GPRC5D: variants seen among roughly 807,000 people sequenced by gnomAD.
The protein encoded by GPRC5D is G protein-coupled receptor class C group 5 member D.
In GPRC5D, 20 loss-of-function variants were observed where a neutral mutation model predicts 29.3. The observed-to-expected ratio is 0.68, with a 90% CI of 0.48 to 0.99. The LOEUF (loss-of-function observed/expected upper bound fraction) is 0.99. GPRC5D is among the 50% of genes least tolerant of loss of function. The pLI is 0.00. For synonymous variants in GPRC5D, 178 were observed against 171.3 expected (o/e 1.04, Z -0.30); for missense variants, 384 against 423.6 (o/e 0.91, Z 0.82).
intron 2 of GPRC5D, among the ~76,000 whole-genome samples, chr12:12,941,225 G>A (rs1477644307): frequency 6.6e-6 from 1 of 152,080 alleles, no homozygotes; most frequent in Non-Finnish European, 1.5e-5. Flanking sequence ...AGTTATGTTT[G>A]AAGTATTATT....
chr12:12,948,644 T>G (rs548289586), intron 1 of GPRC5D: 1 of 153,668 alleles, frequency 6.5e-6, no homozygotes. Flanking sequence ...AGCCCAGATG[T>G]TTCAGAAAAG....
chr12:12,949,468 C>T, intron 1 of GPRC5D, 22 bp downstream of exon 2: 1 of 1,589,554 alleles, frequency 6.3e-7, no homozygotes, highest in Non-Finnish European at 8.6e-7. Flanking sequence ...CTCCCTGCTC[C>T]CTGAATCCCC....
chr12:12,947,925 C>G (rs1159120251), intron 1 of GPRC5D, among the ~76,000 whole-genome samples: 1 of 152,176 alleles, frequency 6.6e-6, no homozygotes, highest in African/African-American at 2.4e-5. Context: ...TTGATGATGG[C>G]TATCACTGGC....
chr12:12,949,470 T>C lies in GPRC5D; in HGVS notation c.895+20A>G, dbSNP rs763303748. On this transcript the variant is annotated intron_variant, in intron 1 of 2. Coordinates refer to ENST00000228887, the Ensembl canonical transcript of GPRC5D. ...CCTGTAGGAGCACCTCCCTGCTCCC[T>C]GAATCCCCCAGGAATGTACCTCTGG... 2 of 1,591,050 alleles carry C rather than the reference T, an allele frequency of 1.3e-6. No homozygotes were observed. Among genetic ancestry groups the C allele is most frequent in the East Asian group, 2.2e-5 (1 of 44,530 alleles).
chr12:12,949,547 AGGCATTGCCTTGTAAAG>A lies in GPRC5D; in HGVS notation c.821_837del (p.Pro274LeufsTer24), dbSNP rs576323196. 5.0e-3 allele frequency: 8,014 copies of A among 1,614,006 alleles called. 27 individuals are homozygous for A. Among genetic ancestry groups the A allele is most frequent in the Non-Finnish European group, 6.2e-3 (7,300 of 1,179,864 alleles). ...CTGTGTTGGTAGGCTGTGACGGGGCAGGCATTGCCTTGTAAAGGGCACTCCTGTCTACACGATCTGTA... is the reference window on the plus strand; with the variant it reads ...CTGTGTTGGTAGGCTGTGACGGGGCAGGCACTCCTGTCTACACGATCTGTA... On this transcript the variant is annotated frameshift_variant, in exon 1 of 3. Transcript: ENST00000228887. LOFTEE classifies it high-confidence loss of function.
chr12:12,944,962 T>C (rs1037656843), intron 1 of GPRC5D, among the ~76,000 whole-genome samples: 10 of 147,984 alleles, frequency 6.8e-5, no homozygotes, highest in Admixed American at 4.9e-4. Flanking sequence ...TCTTTCCTTT[T>C]CTTTCCTTTT....
At chr12:12,951,165 C>T (rs1863486060), upstream of GPRC5D, among the ~76,000 whole-genome samples, 2 of 152,022 alleles carry the variant, frequency 1.3e-5, no homozygotes, top group Admixed American at 6.6e-5. Flanking sequence ...CGTCAAGAAC[C>T]GCAACTGCTT....
intron 1 of GPRC5D, among the ~76,000 whole-genome samples, chr12:12,947,524 TCTTCCTTC>T (rs978875015): frequency 6.6e-6 from 1 of 151,770 alleles, no homozygotes. Context: ...TTCCTTCCTT[TCTTCCTTC>T]CTTCCTTCCT....
rs147555265 is a variant in GPRC5D, at chr12:12,949,749, G to A, written c.636C>T (p.Phe212=). The stretch of plus-strand genomic sequence containing the variant: ...TCCACACCACCCAGATGATGATGGA[G>A]AAGAGCACAGTGATAAAGATGAGCC... The change falls in exon 1 of 3, where the codon TTC becomes TTT. Residue 212 remains phenylalanine, a synonymous_variant. Transcript: ENST00000228887. 3.2e-5 allele frequency: 52 copies of A among 1,614,202 alleles called. No homozygotes were observed. In the African/African-American group the frequency reaches 5.5e-4, roughly 17 times the overall value.
intron 1 of GPRC5D, among the ~76,000 whole-genome samples, chr12:12,944,701 A>G (rs1275661510): frequency 6.6e-6 from 1 of 151,490 alleles, no homozygotes; most frequent in Admixed American, 6.6e-5. Flanking sequence ...ATGCATCCAA[A>G]CACTGGATGG....
upstream of GPRC5D, among the ~76,000 whole-genome samples, chr12:12,951,501 C>T (rs534463682): frequency 6.6e-6 from 1 of 152,298 alleles, no homozygotes; most frequent in Non-Finnish European, 1.5e-5. Context: ...GCAACCTAAA[C>T]CCTTCAAAAC....
At chr12:12,947,508 CCTTCCTTCCTTCCTTT>C (rs1394110817) in intron 1 of GPRC5D, among the ~76,000 whole-genome samples, 16 of 151,690 alleles carry the variant, frequency 1.1e-4, no homozygotes, top group Middle Eastern at 3.4e-3. Flanking sequence ...CAATTCCTTC[CCTTCCTTCCTTCCTTT>C]CTTCCTTCCT....
intron 1 of GPRC5D, among the ~76,000 whole-genome samples, chr12:12,944,815 TTCCTTCC>T (rs1592371956): frequency 9.2e-5 from 1 of 10,832 alleles, no homozygotes; most frequent in African/African-American, 1.8e-4. Context: ...CCTTCCTTCC[TTCCTTCC>T]TTCCTTCCTT....
intron 1 of GPRC5D, chr12:12,946,982 ATAAAACT>A (rs1207965899): frequency 6.6e-6 from 1 of 152,228 alleles, no homozygotes; most frequent in Non-Finnish European, 1.5e-5. Context: ...GGTAAAGCAC[ATAAAACT>A]TAAGAATGAC....
At chr12:12,942,564 G>A (rs942295475) in intron 1 of GPRC5D, among the ~76,000 whole-genome samples, 34 of 152,130 alleles carry the variant, frequency 2.2e-4, no homozygotes, top group African/African-American at 6.3e-4. Context: ...GCAAAACCCC[G>A]TCTTCACTAA....
At chr12:12,950,663 C>T (rs568217743), upstream of GPRC5D, among the ~76,000 whole-genome samples, 1 of 148,278 alleles carries the variant, frequency 6.7e-6, no homozygotes, top group Non-Finnish European at 1.5e-5. Flanking sequence ...AAAGATTAGC[C>T]GGGTGTGGTG....
intron 1 of GPRC5D, among the ~76,000 whole-genome samples, chr12:12,946,772 A>G (rs1863360062): frequency 6.6e-6 from 1 of 152,020 alleles, no homozygotes. Flanking sequence ...TGAAATTTCC[A>G]GCTAGGGATC....
chr12:12,943,436 A>T (rs1444346026), intron 1 of GPRC5D, among the ~76,000 whole-genome samples: 1 of 152,144 alleles, frequency 6.6e-6, no homozygotes, highest in African/African-American at 2.4e-5. Context: ...TTGTTTCCTG[A>T]TGGAAATAAA....
At chr12:12,945,649 T>C (rs1241458029) in intron 1 of GPRC5D, among the ~76,000 whole-genome samples, 4 of 152,250 alleles carry the variant, frequency 2.6e-5, no homozygotes, top group South Asian at 2.1e-4. Context: ...CCCAGGATCA[T>C]GTAAATGGAA....
Sources: gnomAD v4.1 joint callset for allele counts (sites outside exome capture counted in the v4.1 genomes callset) on GRCh38, gnomAD v4.1.1 for gene constraint, MANE v1.5 for transcripts, NCBI Gene and HGNC (gene_info 2026-07-23, HGNC 2026-07-21) for gene names.